Variants in EGF observed in about 807,000 individuals in gnomAD.
The protein encoded by EGF is pro-epidermal growth factor.
EGF carries 95 observed loss-of-function variants against 143.8 expected under a neutral mutation model. The observed-to-expected ratio is 0.66, with a 90% confidence interval of 0.56 to 0.78. The LOEUF is 0.78. Ranked by LOEUF, EGF falls within the 30% of genes least tolerant of loss-of-function variation. The probability of loss-of-function intolerance (pLI) is 0.00; values close to 1 mark genes in which losing one functional copy is unlikely to be tolerated. For missense variants in EGF, 1,320 were observed against 1,470.9 expected, an observed-to-expected ratio of 0.90 and a Z score of 1.68; for synonymous variants, 510 against 510.5, an observed-to-expected ratio of 1.00 and a Z score of 0.01.
At chr4:109,943,808 C>G (rs1005569755) in intron 3 of EGF, 34 bp from the exon 4 acceptor site, 6 of 1,581,878 alleles carry the variant, frequency 3.8e-6, no homozygotes, top group Non-Finnish European at 5.2e-6. Context: ...ACTATACATT[C>G]ATTTTTGGGT....
intron 1 of EGF, 178 bp from the exon 2 acceptor site, chr4:109,940,768 A>G: frequency 1.6e-6 from 1 of 626,274 alleles, no homozygotes. Flanking sequence ...GACAATTTAC[A>G]AAGTGGAGTG....
At chr4:109,941,844 G>A (rs1187923813) in intron 2 of EGF, among the ~76,000 whole-genome samples, 2 of 152,168 alleles carry the variant, frequency 1.3e-5, no homozygotes, top group East Asian at 3.8e-4. Context: ...ACATACAAAA[G>A]ATCCTTAATC....
Position 109,969,035 on chromosome 4 carries a change from A to G in EGF, c.1640A>G (p.Glu547Gly). The G allele has an allele frequency of 6.2e-7, 1 of 1,614,184 alleles. No homozygotes were observed. Among genetic ancestry groups the G allele is most frequent in the Non-Finnish European group, 8.5e-7 (1 of 1,180,022 alleles). The change falls in exon 11 of 24, where the codon GAA becomes GGA. Residue 547 changes from glutamate to glycine, a missense_variant. Around this residue, in one of 5 missense-constraint regions of EGF, gnomAD observed 1,186 missense variants for 1,313.7 expected, o/e 0.90. Coordinates refer to ENST00000265171, the MANE Select transcript of EGF (RefSeq NM_001963.6). Reference protein sequence around the residue: ...ERANMDGSQRERLIEEGVDVP... With the variant: ...ERANMDGSQRGRLIEEGVDVP... ...GCTAATATGGATGGTTCCCAGCGAG[A>G]AAGGCTTATTGAGGAAGGAGTAGAT... is the stretch of plus-strand genomic sequence containing the variant.
intron 11 of EGF, among the ~76,000 whole-genome samples, chr4:109,974,141 C>G (rs546024447): frequency 6.6e-6 from 1 of 152,214 alleles, no homozygotes; most frequent in East Asian, 1.9e-4. Flanking sequence ...TAGATTGTAT[C>G]CAAATACTGT....
intron 18 of EGF, among the ~76,000 whole-genome samples, chr4:109,991,130 C>A (rs559256721): frequency 6.6e-6 from 1 of 152,258 alleles, no homozygotes; most frequent in East Asian, 1.9e-4. Flanking sequence ...TTCTACTAAC[C>A]ACATTACAAC....
intron 15 of EGF, among the ~76,000 whole-genome samples, chr4:109,982,253 C>T (rs1415231252): frequency 1.3e-5 from 2 of 151,930 alleles, no homozygotes; most frequent in African/African-American, 4.8e-5. Context: ...AAGTGGTCTT[C>T]CCACCTCGGC....
At chr4:109,983,310 T>C (rs980787703) in intron 15 of EGF, 112 bp from the exon 16 acceptor site, 1 of 1,271,844 alleles carries the variant, frequency 7.9e-7, no homozygotes, top group African/African-American at 1.5e-5. Flanking sequence ...CCTCTTACTG[T>C]AAGAATGAGT....
chr4:109,992,164 A>C (rs1005361475), intron 18 of EGF, among the ~76,000 whole-genome samples: 4 of 116,972 alleles, frequency 3.4e-5, no homozygotes, highest in Non-Finnish European at 6.7e-5. Flanking sequence ...ACCAAGCAAG[A>C]TTCTTTAAAA....
chr4:109,913,544 G>A (rs933224742), intron 1 of EGF, 82 bp downstream of exon 1: 2 of 1,566,696 alleles, frequency 1.3e-6, no homozygotes, highest in Non-Finnish European at 8.7e-7. Flanking sequence ...GTATACTTGG[G>A]CATTTAACAA....
At chr4:109,936,737 G>A (rs959901954) in intron 1 of EGF, among the ~76,000 whole-genome samples, 1 of 152,134 alleles carries the variant, frequency 6.6e-6, no homozygotes, top group East Asian at 1.9e-4. Flanking sequence ...CTGGTACATT[G>A]TGTCTTTGTT....
intron 11 of EGF, among the ~76,000 whole-genome samples, chr4:109,972,441 C>A (rs1008654059): frequency 6.6e-6 from 1 of 152,116 alleles, no homozygotes; most frequent in Non-Finnish European, 1.5e-5. Context: ...TCTCTCATCT[C>A]TAAGATGATT....
chr4:109,987,877 A>G lies in EGF; in HGVS notation c.2608+17A>G, dbSNP rs1334258716. ...TATGTTCTGGTAAGAGAAAAGGGCA[A>G]ATTCACATATTTGGACAATACTGAA... On this transcript the variant is annotated intron_variant, in intron 17 of 23. Transcript: ENST00000265171. 6.3e-7 allele frequency: 1 copy of G among 1,582,408 alleles called. No individual in the cohort carries two copies. The highest frequency in any genetic ancestry group is 1.3e-5 in the African/African-American group (1 of 74,218).
intron 1 of EGF, among the ~76,000 whole-genome samples, chr4:109,932,387 T>A (rs1225376282): frequency 1.1e-5 from 1 of 89,680 alleles, no homozygotes; most frequent in Non-Finnish European, 2.3e-5. Context: ...AAATTTTTTT[T>A]TTTTTTTTTG....
intron 10 of EGF, among the ~76,000 whole-genome samples, chr4:109,966,837 C>G (rs902801954): frequency 1.3e-5 from 2 of 151,928 alleles, no homozygotes; most frequent in Non-Finnish European, 2.9e-5. Context: ...GCTTGTGTGT[C>G]TTCTTTTGAA....
rs1018502140 is a variant in EGF at position 109,993,015 on chromosome 4, G to A, written c.2735-232G>A. Among the ~76,000 whole-genome samples the A allele has an allele frequency of 1.5e-4, 22 of 151,608 alleles. 1 individual carries two copies. Among genetic ancestry groups the A allele is most frequent in the African/African-American group, 5.3e-4 (22 of 41,132 alleles). On this transcript the variant is annotated intron_variant, in intron 18 of 23. Transcript: ENST00000265171. Reference sequence around the variant, plus strand: ...TAAAATAAATGACGAGTTAATGGGTGCAGCACACCAACATGGCACATGTAT... The same window carrying A: ...TAAAATAAATGACGAGTTAATGGGTACAGCACACCAACATGGCACATGTAT...
rs757524102 is a variant in EGF, at chr4:109,988,668, G to A, written c.2693G>A (p.Arg898Gln). 7 of 1,614,008 alleles carry A rather than the reference G, an allele frequency of 4.3e-6. No individual in the cohort carries two copies. Among genetic ancestry groups the A allele is most frequent in the South Asian group, 1.1e-5 (1 of 91,082 alleles). ...AACACCGAAGGTGGTTATGTCTGCC[G>A]GTGCTCAGAAGGCTACCAAGGAGAT... ...CINTEGGYVC[R>Q]CSEGYQGDGI... Residue 898 changes from arginine to glutamine, a missense_variant, in exon 18 of 24, where the codon CGG (arginine) becomes CAG (glutamine). Around this residue, in one of 5 missense-constraint regions of EGF, gnomAD observed 1,186 missense variants for 1,313.7 expected, o/e 0.90. Coordinates refer to ENST00000265171, the MANE Select transcript of EGF (RefSeq NM_001963.6).
At chr4:109,926,412 T>C (rs1360601314) in intron 1 of EGF, among the ~76,000 whole-genome samples, 1 of 149,160 alleles carries the variant, frequency 6.7e-6, no homozygotes, top group East Asian at 2.0e-4. Flanking sequence ...TGGAGTGCAG[T>C]GGCGCGATCT....
intron 18 of EGF, among the ~76,000 whole-genome samples, chr4:109,989,295 A>G (rs1398322866): frequency 6.6e-6 from 1 of 152,140 alleles, no homozygotes; most frequent in Non-Finnish European, 1.5e-5. Context: ...TTGGATTGGG[A>G]GTTCGCGTCG....
chr4:109,965,919 G>A (rs1746483793), intron 10 of EGF, among the ~76,000 whole-genome samples: 1 of 151,692 alleles, frequency 6.6e-6, no homozygotes, highest in African/African-American at 2.4e-5. Context: ...ATTATTTAAC[G>A]ACTTACCATT....
Sources: gnomAD v4.1 joint callset for allele counts (sites outside exome capture counted in the v4.1 genomes callset) on GRCh38, gnomAD v4.1.1 for gene constraint, gnomAD v4.1.1 regional missense constraint, MANE v1.5 for transcripts, NCBI Gene and HGNC (gene_info 2026-07-23, HGNC 2026-07-21) for gene names.